Variants in LRRC37A2 observed in about 807,000 individuals in gnomAD.
The protein encoded by LRRC37A2 is leucine rich repeat containing 37 member A2.
Under a neutral mutation model 68.8 loss-of-function variants are expected in LRRC37A2, and 9 were observed. That is an observed-to-expected ratio of 0.13 (90% confidence interval 0.08 to 0.23). LRRC37A2 has a LOEUF of 0.23. Ranked by LOEUF, LRRC37A2 falls within the 10% of genes least tolerant of loss-of-function variation. The pLI, the probability that LRRC37A2 is intolerant of heterozygous loss-of-function variation, is 1.00. For missense variants in LRRC37A2, 168 were observed against 950.4 expected, an observed-to-expected ratio of 0.18 and a Z score of 10.82; for synonymous variants, 63 against 367.6, an observed-to-expected ratio of 0.17 and a Z score of 9.48.
At chr17:46,986,111 C>T in the LRRC37A2 span, among the ~76,000 whole-genome samples, 21 of 151,958 alleles carry the variant, frequency 1.4e-4, no homozygotes, top group Admixed American at 1.3e-4. Flanking sequence ...TGTGGATGTA[C>T]ATTGTGAATT....
At chr17:46,548,838 C>T (rs1196114561) in exon 10 of LRRC37A2, 1 of 1,612,396 alleles carries the variant, frequency 6.2e-7, no homozygotes, top group Non-Finnish European at 8.5e-7. Context: ...CCGTCTACAC[C>T]AAGCCTTCCT....
At chr17:46,535,157 G>C (rs1362649749) in intron 6 of LRRC37A2, among the ~76,000 whole-genome samples, 4 of 149,008 alleles carry the variant, frequency 2.7e-5, no homozygotes. Flanking sequence ...AGCCTCCCAA[G>C]GTACTGGGAG....
the LRRC37A2 span, among the ~76,000 whole-genome samples, chr17:46,717,962 A>C: frequency 6.6e-6 from 1 of 152,202 alleles, no homozygotes; most frequent in Non-Finnish European, 1.5e-5. Flanking sequence ...TGCTGGGAGA[A>C]CATCCATTGC....
At chr17:46,709,516 A>G in the LRRC37A2 span, among the ~76,000 whole-genome samples, 4 of 151,126 alleles carry the variant, frequency 2.6e-5, no homozygotes, top group Non-Finnish European at 4.4e-5. Context: ...TTTAAATGAG[A>G]TGGAGTCTTG....
the LRRC37A2 span, chr17:46,963,998 G>A: frequency 6.6e-6 from 1 of 152,114 alleles, no homozygotes; most frequent in Non-Finnish European, 1.5e-5. Context: ...CTTATTTTTT[G>A]TAGAGGGTCT....
chr17:46,941,981 C>T, the LRRC37A2 span: 10 of 982,782 alleles, frequency 1.0e-5, no homozygotes, highest in Non-Finnish European at 1.2e-5. Context: ...AAGAGCAAAA[C>T]TTGTTAAGTC....
At chr17:46,908,192 G>GC in the LRRC37A2 span, among the ~76,000 whole-genome samples, 53 of 142,784 alleles carry the variant, frequency 3.7e-4, no homozygotes, top group African/African-American at 1.3e-3. Flanking sequence ...CTCCCCCACC[G>GC]CCCCCCTCAC....
chr17:46,758,129 C>T, the LRRC37A2 span, among the ~76,000 whole-genome samples: 2 of 152,116 alleles, frequency 1.3e-5, no homozygotes, highest in African/African-American at 2.4e-5. Context: ...CTTCAAGGCT[C>T]TCAGTGAGAT....
chr17:46,935,702 G>C, the LRRC37A2 span: 2 of 988,354 alleles, frequency 2.0e-6, no homozygotes, highest in Non-Finnish European at 2.4e-6. Context: ...CCGTGCTGGT[G>C]ATCCCAGCGA....
At chr17:46,882,346 A>G in the LRRC37A2 span, among the ~76,000 whole-genome samples, 11 of 152,146 alleles carry the variant, frequency 7.2e-5, no homozygotes, top group Middle Eastern at 3.2e-3. Flanking sequence ...AATACCTCTC[A>G]ACTGAGATTT....
chr17:46,912,137 C>G, the LRRC37A2 span, among the ~76,000 whole-genome samples: 2 of 152,180 alleles, frequency 1.3e-5, no homozygotes, highest in Non-Finnish European at 2.9e-5. Flanking sequence ...CTCACACCTC[C>G]TCTCCTGCTG....
At chr17:46,924,048 T>C in the LRRC37A2 span, among the ~76,000 whole-genome samples, 38 of 152,352 alleles carry the variant, frequency 2.5e-4, no homozygotes, top group African/African-American at 8.2e-4. Context: ...TTGAGTACAT[T>C]CACAACTTAC....
At chr17:46,818,715 G>A in the LRRC37A2 span, 3 of 1,026,776 alleles carry the variant, frequency 2.9e-6, no homozygotes, top group Admixed American at 4.0e-5. Context: ...TGTCAGAAGC[G>A]CACCTCCACC....
chr17:46,428,961 A>AAAAAAG, the LRRC37A2 span, among the ~76,000 whole-genome samples: 2 of 114,336 alleles, frequency 1.7e-5, no homozygotes, highest in African/African-American at 3.7e-5. Flanking sequence ...AAAAAAAAAA[A>AAAAAAG]AAGAAGAAGA....
chr17:46,931,992 A>G, the LRRC37A2 span: 1 of 1,322,222 alleles, frequency 7.6e-7, no homozygotes, highest in Non-Finnish European at 1.1e-6. Context: ...GTCTTTCCTC[A>G]GTACAAAGCC....
the LRRC37A2 span, among the ~76,000 whole-genome samples, chr17:46,759,818 C>T: frequency 6.6e-6 from 1 of 152,196 alleles, no homozygotes. Context: ...CTTCTTTCTT[C>T]ATAAAATAAT....
the LRRC37A2 span, among the ~76,000 whole-genome samples, chr17:46,826,173 GA>G: frequency 6.6e-6 from 1 of 152,250 alleles, no homozygotes; most frequent in African/African-American, 2.4e-5. Flanking sequence ...AATTTCTAGT[GA>G]AGTCCTGGTT....
chr17:46,875,355 GTGGGCA>G, the LRRC37A2 span: 2 of 1,604,434 alleles, frequency 1.2e-6, no homozygotes, highest in Non-Finnish European at 1.7e-6. Context: ...CAATACCCAC[GTGGGCA>G]TCAAGGTGAG....
At chr17:46,539,768 CAAAAAAAAA>C (rs1204528686) in intron 6 of LRRC37A2, among the ~76,000 whole-genome samples, 5 of 67,028 alleles carry the variant, frequency 7.5e-5, no homozygotes, top group East Asian at 3.6e-4. Flanking sequence ...GACTCCATCT[CAAAAAAAAA>C]AAAAAAAAAA....
Sources: gnomAD v4.1 joint callset for allele counts (sites outside exome capture counted in the v4.1 genomes callset) on GRCh38, gnomAD v4.1.1 for gene constraint, MANE v1.5 for transcripts, NCBI Gene and HGNC (gene_info 2026-07-23, HGNC 2026-07-21) for gene names.